EXOC2: variants seen among roughly 807,000 people sequenced by gnomAD.
The protein encoded by EXOC2 is SEC5-like 1.
A neutral mutation model predicts 131.8 loss-of-function variants in EXOC2; 70 were observed. The ratio of observed to expected loss-of-function variants is 0.53; its 90% CI spans 0.44 to 0.65. The LOEUF (loss-of-function observed/expected upper bound fraction) is 0.65. Ranked by LOEUF, EXOC2 falls within the 30% of genes least tolerant of loss-of-function variation. The pLI, the probability that EXOC2 is intolerant of heterozygous loss-of-function variation, is 0.00. For missense variants in EXOC2, 923 were observed against 1,108.6 expected (o/e 0.83, Z 2.38); for synonymous variants, 411 against 398.4 (o/e 1.03, Z -0.38).
chr6:620,912 G>A (rs1328218366), intron 4 of EXOC2, among the ~76,000 whole-genome samples: 1 of 152,156 alleles, frequency 6.6e-6, no homozygotes, highest in South Asian at 2.1e-4. Context: ...CTCTCTGCCT[G>A]CCAGGTATTC....
At chr6:617,899 C>T in intron 5 of EXOC2, 64 bp from the exon 6 acceptor site, 1 of 1,565,266 alleles carries the variant, frequency 6.4e-7, no homozygotes. Context: ...AAAATAATTC[C>T]TTCAGTGGAG....
chr6:669,932 G>C (rs1445634794), intron 1 of EXOC2: 1 of 152,236 alleles, frequency 6.6e-6, no homozygotes. Context: ...CTCTTACTGG[G>C]GTTTGGGAGC....
intron 1 of EXOC2, among the ~76,000 whole-genome samples, chr6:684,855 C>T (rs1258083952): frequency 6.6e-6 from 1 of 152,136 alleles, no homozygotes; most frequent in African/African-American, 2.4e-5. Flanking sequence ...AAAAGCAGTA[C>T]TTTTTACTAT....
At chr6:590,203 T>A (rs1759464450) in intron 11 of EXOC2, among the ~76,000 whole-genome samples, 1 of 152,118 alleles carries the variant, frequency 6.6e-6, no homozygotes, top group Non-Finnish European at 1.5e-5. Context: ...AAATTATTGG[T>A]TGAATCAACA....
At chr6:540,717 G>A (rs1308552378) in intron 22 of EXOC2, among the ~76,000 whole-genome samples, 2 of 152,098 alleles carry the variant, frequency 1.3e-5, no homozygotes, top group African/African-American at 4.8e-5. Flanking sequence ...GATCTTAAAG[G>A]ACAGAAAAGT....
In EXOC2 at chr6:499,735, A is replaced by G. The variant is rs761157720; in HGVS notation, c.2381-35T>C. ...AAATAAAGGAGAGAAAGAAGGCATT[A>G]ATAATAACACAAGCTCCCCTCCCCT... is the stretch of plus-strand genomic sequence containing the variant. On this transcript the variant is annotated intron_variant, in intron 23 of 27. Coordinates refer to ENST00000230449, the MANE Select transcript of EXOC2 (RefSeq NM_018303.6). 6 of 1,575,496 alleles carry G rather than the reference A, an allele frequency of 3.8e-6. No individual in the cohort carries two copies. In the African/African-American group the frequency reaches 8.1e-5, roughly 21 times the overall value.
At chr6:630,152 T>C (rs1450093310) in intron 3 of EXOC2, among the ~76,000 whole-genome samples, 191 bp from the exon 4 acceptor site, 1 of 152,184 alleles carries the variant, frequency 6.6e-6, no homozygotes, top group African/African-American at 2.4e-5. Flanking sequence ...CTAAAAAAAT[T>C]TATAAAAAGG....
At chr6:488,190 T>C (rs928092885) in intron 27 of EXOC2, among the ~76,000 whole-genome samples, 2 of 152,174 alleles carry the variant, frequency 1.3e-5, no homozygotes, top group African/African-American at 2.4e-5. Flanking sequence ...GTCGATGCCA[T>C]GTGACAGCTC....
At chr6:494,523 T>C (rs1156485461) in intron 25 of EXOC2, among the ~76,000 whole-genome samples, 1 of 152,010 alleles carries the variant, frequency 6.6e-6, no homozygotes, top group Non-Finnish European at 1.5e-5. Context: ...TTTTGACTGA[T>C]GTATACACCT....
intron 11 of EXOC2, among the ~76,000 whole-genome samples, chr6:591,074 C>T (rs1382090261): frequency 6.6e-6 from 1 of 152,182 alleles, no homozygotes; most frequent in African/African-American, 2.4e-5. Flanking sequence ...TCATCCAGCC[C>T]TATCAGTTCT....
intron 1 of EXOC2, among the ~76,000 whole-genome samples, chr6:675,648 C>T (rs779757500): frequency 2.8e-5 from 1 of 36,146 alleles, no homozygotes; most frequent in African/African-American, 7.0e-5. Flanking sequence ...GTTCCTCTGG[C>T]GACTGCAGTT....
At chr6:671,604 T>A (rs1034178065) in intron 1 of EXOC2, among the ~76,000 whole-genome samples, 4 of 152,192 alleles carry the variant, frequency 2.6e-5, no homozygotes, top group African/African-American at 7.2e-5. Flanking sequence ...TTTAACATTT[T>A]AACTTCTTTT....
chr6:599,329 T>TA, intron 7 of EXOC2, 104 bp from the exon 8 acceptor site: 1 of 1,099,696 alleles, frequency 9.1e-7, no homozygotes, highest in Non-Finnish European at 1.2e-6. Flanking sequence ...ATTGTAGTTT[T>TA]ACGTTAAAAC....
intron 12 of EXOC2, among the ~76,000 whole-genome samples, chr6:575,861 G>A (rs1041531640): frequency 2.0e-5 from 3 of 152,152 alleles, no homozygotes; most frequent in Admixed American, 6.5e-5. Flanking sequence ...AGGAGCAAAC[G>A]GTTCTGATCT....
intron 11 of EXOC2, among the ~76,000 whole-genome samples, chr6:582,076 T>A (rs1041049049): frequency 6.6e-6 from 1 of 152,208 alleles, no homozygotes; most frequent in African/African-American, 2.4e-5. Context: ...ATCAAAAATT[T>A]AAAATTTATC....
intron 1 of EXOC2, chr6:679,360 A>T (rs1314229960): frequency 6.6e-6 from 1 of 152,124 alleles, no homozygotes; most frequent in Non-Finnish European, 1.5e-5. Flanking sequence ...TAAAGACAAA[A>T]CCCAACCTCA....
intron 23 of EXOC2, among the ~76,000 whole-genome samples, chr6:507,249 C>CA (rs1554118741): frequency 1.2e-5 from 1 of 81,462 alleles, no homozygotes; most frequent in African/African-American, 5.3e-5. Flanking sequence ...AGTGACCCCC[C>CA]CACACACACA....
intron 26 of EXOC2, among the ~76,000 whole-genome samples, chr6:489,590 A>G (rs1241574220): frequency 6.6e-6 from 1 of 152,238 alleles, no homozygotes; most frequent in East Asian, 1.9e-4. Context: ...AAAGGAAAGA[A>G]TTTTAAAAAG....
chr6:489,830 T>G (rs1763316611), intron 26 of EXOC2, among the ~76,000 whole-genome samples: 1 of 152,180 alleles, frequency 6.6e-6, no homozygotes, highest in Admixed American at 6.5e-5. Flanking sequence ...AGGAAATACG[T>G]TTTTGAGCAA....
Sources: gnomAD v4.1 joint callset for allele counts (sites outside exome capture counted in the v4.1 genomes callset) on GRCh38, gnomAD v4.1.1 for gene constraint, MANE v1.5 for transcripts, NCBI Gene and HGNC (gene_info 2026-07-23, HGNC 2026-07-21) for gene names.